The following ELOVL6 variants were observed in gnomAD, a reference collection of about 807,000 sequenced individuals.
ELOVL6 encodes very long chain fatty acid elongase 6.
A neutral mutation model predicts 31.7 loss-of-function variants in ELOVL6; 8 were observed. The ratio of observed to expected loss-of-function variants is 0.25; its 90% CI spans 0.15 to 0.45. ELOVL6 has a LOEUF of 0.45. Among genes scored for constraint, ELOVL6 ranks in the 20% least tolerant of loss-of-function variants. The pLI is 1.00. For synonymous variants in ELOVL6, 101 were observed against 117.7 expected, an observed-to-expected ratio of 0.86 and a Z score of 0.92; for missense variants, 126 against 326.4, an observed-to-expected ratio of 0.39 and a Z score of 4.73.
chr4:110,190,503 T>TTTTTG (rs944041735), intron 1 of ELOVL6, among the ~76,000 whole-genome samples: 2 of 152,136 alleles, frequency 1.3e-5, no homozygotes, highest in South Asian at 2.1e-4. Context: ...GGCAATACTT[T>TTTTTG]TTTTGTTTTG....
At chr4:110,155,233 T>C (rs563729167) in intron 1 of ELOVL6, among the ~76,000 whole-genome samples, 1 of 152,250 alleles carries the variant, frequency 6.6e-6, no homozygotes, top group East Asian at 1.9e-4. Context: ...AGTTTTTCAA[T>C]TATAAATTAT....
chr4:110,122,674 G>A (rs111878713), intron 1 of ELOVL6, among the ~76,000 whole-genome samples: 2 of 152,102 alleles, frequency 1.3e-5, no homozygotes, highest in African/African-American at 4.8e-5. Flanking sequence ...CACTGCACCC[G>A]GCCCCAAAAT....
intron 2 of ELOVL6, among the ~76,000 whole-genome samples, chr4:110,098,526 A>T (rs1756654850): frequency 1.3e-5 from 2 of 152,214 alleles, no homozygotes; most frequent in South Asian, 2.1e-4. Context: ...TTACAAAAGG[A>T]ATTGAAGCCC....
chr4:110,057,855 A>G (rs921839420), intron 3 of ELOVL6, among the ~76,000 whole-genome samples: 10 of 144,936 alleles, frequency 6.9e-5, no homozygotes, highest in Admixed American at 3.4e-4. Flanking sequence ...TGTCTCAGGG[A>G]AAAAAAAAAA....
chr4:110,144,305 A>G (rs1034837111), intron 1 of ELOVL6, among the ~76,000 whole-genome samples: 8 of 152,042 alleles, frequency 5.3e-5, no homozygotes. Flanking sequence ...TTTACAAGAA[A>G]TGGAGAGCCA....
chr4:110,146,994 A>G (rs1476472024), intron 1 of ELOVL6: 1 of 136,964 alleles, frequency 7.3e-6, no homozygotes, highest in Non-Finnish European at 1.7e-5. Context: ...TGTCTCAAAG[A>G]AAAAAAAAAG....
chr4:110,078,341 A>C lies in ELOVL6; in HGVS notation c.222-18587T>G, dbSNP rs148086779. Among the ~76,000 whole-genome samples the C allele has an allele frequency of 9.5e-3, 1,448 of 152,316 alleles. 21 individuals are homozygous for C. Among genetic ancestry groups the C allele is most frequent in the African/African-American group, 0.033 (1,374 of 41,560 alleles). ...AAAATGTTAAGGGCAGCCAGAGAGA[A>C]AGGTTGGGTTATCCACGAAGGGAAG... On this transcript the variant is annotated intron_variant, in intron 2 of 3. Coordinates refer to ENST00000302274, the MANE Select transcript of ELOVL6 (RefSeq NM_024090.3).
chr4:110,173,799 A>C (rs1408353365), intron 1 of ELOVL6, among the ~76,000 whole-genome samples: 2 of 151,834 alleles, frequency 1.3e-5, no homozygotes, highest in Non-Finnish European at 2.9e-5. Flanking sequence ...ATAAGAACTT[A>C]TGAATACAAA....
intron 2 of ELOVL6, among the ~76,000 whole-genome samples, chr4:110,099,939 ACTT>A (rs1756692735): frequency 1.3e-5 from 2 of 152,238 alleles, no homozygotes; most frequent in South Asian, 4.1e-4. Flanking sequence ...GCCAAATCTA[ACTT>A]CTTTGCCACC....
intron 2 of ELOVL6, among the ~76,000 whole-genome samples, chr4:110,083,072 A>G (rs1755927289): frequency 6.6e-6 from 1 of 151,734 alleles, no homozygotes. Flanking sequence ...GGGTTTATTC[A>G]CTTAAAAAAA....
At chr4:110,111,060 T>A (rs1389933780) in intron 1 of ELOVL6, among the ~76,000 whole-genome samples, 1 of 152,216 alleles carries the variant, frequency 6.6e-6, no homozygotes, top group African/African-American at 2.4e-5. Flanking sequence ...AAAGTAGAGT[T>A]ACATTTAGTC....
chr4:110,087,220 T>C (rs1756292603), intron 2 of ELOVL6, among the ~76,000 whole-genome samples: 1 of 152,130 alleles, frequency 6.6e-6, no homozygotes, highest in Non-Finnish European at 1.5e-5. Flanking sequence ...AAGGATTTGA[T>C]GAATTACCTA....
At chr4:110,081,480 C>T (rs1409884857) in intron 2 of ELOVL6, among the ~76,000 whole-genome samples, 1 of 152,032 alleles carries the variant, frequency 6.6e-6, no homozygotes, top group African/African-American at 2.4e-5. Flanking sequence ...CTGACAAAAA[C>T]AAGAAATGGG....
chr4:110,115,608 A>G (rs1757148563), intron 1 of ELOVL6, among the ~76,000 whole-genome samples: 1 of 152,134 alleles, frequency 6.6e-6, no homozygotes, highest in Non-Finnish European at 1.5e-5. Context: ...AATAATAATA[A>G]TATGGCAACA....
chr4:110,110,297 T>C (rs1398429440), intron 1 of ELOVL6, among the ~76,000 whole-genome samples: 1 of 152,146 alleles, frequency 6.6e-6, no homozygotes, highest in African/African-American at 2.4e-5. Context: ...CTGAGGTTTC[T>C]TGAAGTCCTA....
At position 110,094,438 on chromosome 4, in the gene ELOVL6, T is replaced by A. The variant is rs28397261; in HGVS notation, c.221+11059A>T. Among the ~76,000 whole-genome samples, 451 of 55,226 alleles carry A rather than the reference T, an allele frequency of 8.2e-3. 17 individuals carry two copies. The highest frequency in any genetic ancestry group is 0.035 in the East Asian group (57 of 1,614). 36.2% of individuals were successfully genotyped at this position (55,226 alleles called of 152,430 possible). A position where few individuals can be genotyped will look rare whatever the true frequency, so the allele number is the denominator to read the frequency against. On this transcript the variant is annotated intron_variant, in intron 2 of 3. Transcript: ENST00000302274. ...ATATATATATATATATATATATATA[T>A]ATATAATATATATAACATAATATAT...
At chr4:110,065,069 T>C (rs1755258065) in intron 2 of ELOVL6, among the ~76,000 whole-genome samples, 1 of 152,184 alleles carries the variant, frequency 6.6e-6, no homozygotes, top group African/African-American at 2.4e-5. Flanking sequence ...TACAGCCTAT[T>C]GCAGGAGACA....
In ELOVL6 at chr4:110,194,432, G is replaced by C. The variant is rs28665878; in HGVS notation, c.89+3815C>G. Among the ~76,000 whole-genome samples, 311 of 152,270 alleles carry C rather than the reference G, an allele frequency of 2.0e-3. 1 individual carries two copies. Among genetic ancestry groups the C allele is most frequent in the African/African-American group, 7.2e-3 (297 of 41,538 alleles). The stretch of plus-strand genomic sequence containing the variant: ...TGAGGCCCAGGATGATTCTACAAGG[G>C]AATACACTTATTACTTTGCATTTCA... On this transcript the variant is annotated intron_variant, in intron 1 of 3. Transcript: ENST00000302274.
chr4:110,093,009 TG>T, intron 2 of ELOVL6: 1 of 393,180 alleles, frequency 2.5e-6, no homozygotes, highest in South Asian at 1.9e-5. Context: ...TCTTCTAGAA[TG>T]CTCATTTTAT....
Sources: gnomAD v4.1 joint callset for allele counts (sites outside exome capture counted in the v4.1 genomes callset) on GRCh38, gnomAD v4.1.1 for gene constraint, MANE v1.5 for transcripts, NCBI Gene and HGNC (gene_info 2026-07-23, HGNC 2026-07-21) for gene names.